The following CLTCL1 variants were observed in gnomAD, a reference collection of about 807,000 sequenced individuals.
CLTCL1 encodes clathrin heavy chain like 1.
A neutral mutation model predicts 190.0 loss-of-function variants in CLTCL1; 159 were observed. The observed-to-expected ratio is 0.84, with a 90% CI of 0.74 to 0.95. The LOEUF (loss-of-function observed/expected upper bound fraction) is 0.95, where lower values mean the gene tolerates loss of function less well. Ranked by LOEUF, CLTCL1 falls within the 40% of genes least tolerant of loss-of-function variation. The probability of loss-of-function intolerance (pLI) is 0.00; values close to 1 mark genes in which losing one functional copy is unlikely to be tolerated. For missense variants in CLTCL1, 1,878 were observed against 2,033.4 expected (o/e 0.92, Z 1.47); for synonymous variants, 752 against 769.6 (o/e 0.98, Z 0.38).
intron 26 of CLTCL1, among the ~76,000 whole-genome samples, chr22:19,193,831 A>G (rs1430491820): frequency 4.6e-5 from 7 of 152,216 alleles, no homozygotes; most frequent in Admixed American, 2.0e-4. Context: ...CTGACTTCAC[A>G]AATGAAGCTC....
intron 1 of CLTCL1, among the ~76,000 whole-genome samples, chr22:19,280,071 G>A (rs1206972447): frequency 6.6e-6 from 1 of 152,194 alleles, no homozygotes; most frequent in Non-Finnish European, 1.5e-5. Context: ...TATGCTTTGA[G>A]ACTGTCAATA....
chr22:19,230,449 T>C (rs1555958455), intron 10 of CLTCL1, among the ~76,000 whole-genome samples: 1 of 152,096 alleles, frequency 6.6e-6, no homozygotes, highest in Non-Finnish European at 1.5e-5. Context: ...CAGCCAGGTG[T>C]GGTGGCATGT....
At chr22:19,206,017 C>A (rs1217882337) in intron 22 of CLTCL1, among the ~76,000 whole-genome samples, 1 of 151,098 alleles carries the variant, frequency 6.6e-6, no homozygotes, top group Non-Finnish European at 1.5e-5. Context: ...GTCTTGACTT[C>A]CCAGCCTCCA....
intron 19 of CLTCL1, among the ~76,000 whole-genome samples, chr22:19,213,947 T>C (rs1291330601): frequency 6.6e-6 from 1 of 152,208 alleles, no homozygotes; most frequent in Non-Finnish European, 1.5e-5. Flanking sequence ...GGTGGTTTTA[T>C]AAAAAAGAAT....
At chr22:19,237,380 T>A (rs1310079856) in intron 5 of CLTCL1, among the ~76,000 whole-genome samples, 4 of 152,038 alleles carry the variant, frequency 2.6e-5, no homozygotes, top group Non-Finnish European at 5.9e-5. Context: ...CGGATACATA[T>A]GAGTGGCTGA....
intron 19 of CLTCL1, among the ~76,000 whole-genome samples, chr22:19,212,960 A>G (rs1436434174): frequency 1.3e-5 from 2 of 152,234 alleles, no homozygotes; most frequent in African/African-American, 4.8e-5. Context: ...ACAGTCCATA[A>G]AAGAAAAGTT....
Position 19,201,461 on chromosome 22 carries a change from G to A in CLTCL1, c.3633C>T (p.Tyr1211=), listed in dbSNP as rs782672274. Residue 1211 remains tyrosine, a synonymous_variant, in exon 23 of 33, where the codon TAC becomes TAT. Transcript: ENST00000427926. ...VGDRCYEEGM[Y]EAAKLLYSNV... ...TGCTATAGAGCAGCTTGGCAGCCTC[G>A]TACATTCCCTCCTCGTAACAGCGGT... The A allele has an allele frequency of 1.1e-5, 18 of 1,613,612 alleles. No homozygotes were observed. In the East Asian group the frequency reaches 1.8e-4, roughly 16 times the overall value.
chr22:19,256,183 G>A (rs2086743054), intron 2 of CLTCL1, among the ~76,000 whole-genome samples: 1 of 151,178 alleles, frequency 6.6e-6, no homozygotes, highest in Middle Eastern at 3.4e-3. Context: ...ATAGATACAG[G>A]GCCTCACTTT....
At position 19,224,458 on chromosome 22, in the gene CLTCL1, C is replaced by T. The variant is rs146337285; in HGVS notation, c.2129-404G>A. Among the ~76,000 whole-genome samples the T allele has an allele frequency of 2.2e-3, 330 of 152,262 alleles. 1 individual carries two copies. The highest frequency in any genetic ancestry group is 7.1e-3 in the African/African-American group (296 of 41,568). Reference sequence around the variant, plus strand: ...CTCCAGGAGGAGGCCTGCAACTCAACACAGAGCTGACAGTGACATGGGCAC... The same window carrying T: ...CTCCAGGAGGAGGCCTGCAACTCAATACAGAGCTGACAGTGACATGGGCAC... On this transcript the variant is annotated intron_variant, in intron 13 of 32. Coordinates refer to ENST00000427926, the MANE Select transcript of CLTCL1 (RefSeq NM_007098.4).
In CLTCL1 at chr22:19,216,256, C is replaced by A. The variant is rs782681323; in HGVS notation, c.2920G>T (p.Val974Leu). The change falls in exon 19 of 33, where the codon GTG becomes TTG. Residue 974 changes from valine to leucine, a missense_variant and splice_region_variant. Physicochemically the swap from Val to Leu is conservative, Grantham distance 32. Coordinates refer to ENST00000427926, the MANE Select transcript of CLTCL1 (RefSeq NM_007098.4). ...GTTTCTGACAATGCTGTCTGTACCACCTGGTTTTAAAAAGCATTTGAAAGA... is the reference window on the plus strand; with the variant it reads ...GTTTCTGACAATGCTGTCTGTACCAACTGGTTTTAAAAAGCATTTGAAAGA... ...NPSRRQLIDQ[V>L]VQTALSETRD... 3.7e-6 allele frequency: 6 copies of A among 1,613,152 alleles called. No individual in the cohort carries two copies. In the South Asian group the frequency reaches 6.6e-5, roughly 18 times the overall value.
Position 19,180,228 on chromosome 22 carries a change from C to T in CLTCL1, c.4914G>A (p.Gly1638=), listed in dbSNP as rs200374285. Residue 1638 remains glycine, a synonymous_variant, in exon 32 of 33, where the codon GGG becomes GGA. Coordinates refer to ENST00000427926, the MANE Select transcript of CLTCL1 (RefSeq NM_007098.4). ...TGCAATCAGCTGGGTCTCATTCATG[C>T]CCATCAAAATCTAAAAAAACCAGAA... ...EPAPLVFDFD[G]HE 6 of 1,613,762 alleles carry T rather than the reference C, an allele frequency of 3.7e-6. No homozygotes were observed. The African/African-American group carries it at 8.0e-5, about 22-fold the overall frequency.
intron 3 of CLTCL1, chr22:19,249,891 G>C (rs985377726): frequency 1.6e-5 from 7 of 430,726 alleles, no homozygotes; most frequent in Admixed American, 7.6e-5. Flanking sequence ...CCATGCAAAA[G>C]CAATCTTCCC....
chr22:19,201,184 G>C, intron 23 of CLTCL1, 145 bp downstream of exon 23: 1 of 988,184 alleles, frequency 1.0e-6, no homozygotes, highest in African/African-American at 1.6e-5. Flanking sequence ...ACAAACACTA[G>C]CCTAGAGACT....
chr22:19,207,865 G>GA, intron 22 of CLTCL1: 1 of 629,842 alleles, frequency 1.6e-6, no homozygotes, highest in Non-Finnish European at 2.9e-6. Flanking sequence ...CCCCAGATGG[G>GA]ACCATCTAGT....
intron 2 of CLTCL1, among the ~76,000 whole-genome samples, chr22:19,256,360 T>TG (rs1385455535): frequency 3.2e-5 from 4 of 125,204 alleles, no homozygotes; most frequent in Non-Finnish European, 7.1e-5. Context: ...TTATCTTTTT[T>TG]TTTTTTTTTT....
chr22:19,233,348 T>G (rs782659297), intron 8 of CLTCL1, 30 bp from the exon 9 acceptor site: 1 of 1,610,350 alleles, frequency 6.2e-7, no homozygotes. Context: ...AAGGCAAAGT[T>G]AGGAGGCAGG....
At chr22:19,223,362 G>T (rs760542077) in intron 14 of CLTCL1, among the ~76,000 whole-genome samples, 4 of 139,378 alleles carry the variant, frequency 2.9e-5, no homozygotes, top group Non-Finnish European at 4.9e-5. Context: ...CCACTTGCAG[G>T]CCTCGCCCAT....
chr22:19,222,642 G>A (rs2085610545), intron 15 of CLTCL1, 42 bp downstream of exon 15: 2 of 1,571,124 alleles, frequency 1.3e-6, no homozygotes, highest in African/African-American at 1.3e-5. Context: ...ACTGACTGGG[G>A]CCCAGAGGCA....
chr22:19,250,102 A>C, intron 3 of CLTCL1: 1 of 216,052 alleles, frequency 4.6e-6, no homozygotes, highest in Non-Finnish European at 9.8e-6. Flanking sequence ...AAAAACGCAA[A>C]AATTAGCTGA....
Sources: gnomAD v4.1 joint callset for allele counts (sites outside exome capture counted in the v4.1 genomes callset) on GRCh38, gnomAD v4.1.1 for gene constraint, MANE v1.5 for transcripts, NCBI Gene and HGNC (gene_info 2026-07-23, HGNC 2026-07-21) for gene names.